Variants in TNS3 observed in about 807,000 individuals in gnomAD.
The protein encoded by TNS3 is tensin-3.
TNS3 carries 45 observed loss-of-function variants against 140.9 expected under a neutral mutation model. The ratio of observed to expected loss-of-function variants is 0.32; its 90% confidence interval spans 0.25 to 0.41. The LOEUF (loss-of-function observed/expected upper bound fraction) is 0.41. Ranked by LOEUF, TNS3 falls within the 10% of genes least tolerant of loss-of-function variation. The pLI is 1.00. For synonymous variants in TNS3, 815 were observed against 788.4 expected, an observed-to-expected ratio of 1.03 and a Z score of -0.56; for missense variants, 1,716 against 1,906.7, an observed-to-expected ratio of 0.90 and a Z score of 1.86.
intron 20 of TNS3, among the ~76,000 whole-genome samples, chr7:47,320,824 G>A (rs547497302): frequency 1.3e-5 from 2 of 152,196 alleles, no homozygotes; most frequent in East Asian, 1.9e-4. Flanking sequence ...GTGTGGTTTG[G>A]GGAGATGCAG....
In TNS3 at chr7:47,537,409, C is replaced by T. The variant is rs531291686; in HGVS notation, c.-264-8262G>A. On this transcript the variant is annotated intron_variant, in intron 1 of 30. Coordinates refer to ENST00000311160, the MANE Select transcript of TNS3 (RefSeq NM_022748.12). ...CATCTGACACGAATTAGCCCTCCCT[C>T]CCCCGCCCGCCCCAACCGCAGCTCC... Among the ~76,000 whole-genome samples the T allele has an allele frequency of 1.7e-3, 265 of 151,784 alleles. 2 individuals carry two copies. The highest frequency in any genetic ancestry group is 6.1e-3 in the African/African-American group (252 of 41,530).
At chr7:47,499,018 G>GA (rs1798117576) in intron 3 of TNS3, among the ~76,000 whole-genome samples, 1 of 152,272 alleles carries the variant, frequency 6.6e-6, no homozygotes, top group African/African-American at 2.4e-5. Context: ...GAAAGGCCTA[G>GA]AAGTCCACAA....
rs1433053785 is a variant in TNS3, at chr7:47,297,225, G to A, written c.3545-12C>T. ...CAACATGGCGATGGCTGGAGAAAGGGAGGAGAAAGACAAGAAGGTCTGCCG... is the reference window on the plus strand; with the variant it reads ...CAACATGGCGATGGCTGGAGAAAGGAAGGAGAAAGACAAGAAGGTCTGCCG... On this transcript the variant is annotated splice_polypyrimidine_tract_variant and intron_variant, in intron 23 of 30. Coordinates refer to ENST00000311160, the MANE Select transcript of TNS3 (RefSeq NM_022748.12). 1 of 1,605,592 alleles carries A rather than the reference G, an allele frequency of 6.2e-7. No homozygotes were observed.
chr7:47,410,323 A>G (rs889169299), intron 13 of TNS3, among the ~76,000 whole-genome samples: 1 of 152,160 alleles, frequency 6.6e-6, no homozygotes, highest in Non-Finnish European at 1.5e-5. Context: ...GGCCTATAAA[A>G]ACGTATGACG....
intron 23 of TNS3, among the ~76,000 whole-genome samples, chr7:47,300,952 C>T (rs747899417): frequency 9.9e-5 from 15 of 152,216 alleles, no homozygotes; most frequent in Non-Finnish European, 1.9e-4. Context: ...AAATGACAAT[C>T]GCTTCTTTGA....
At chr7:47,538,095 G>C (rs1389658895) in intron 1 of TNS3, among the ~76,000 whole-genome samples, 1 of 151,904 alleles carries the variant, frequency 6.6e-6, no homozygotes, top group African/African-American at 2.4e-5. Context: ...AGGAGGTGAA[G>C]ATGACAGGGT....
intron 1 of TNS3, among the ~76,000 whole-genome samples, chr7:47,546,695 C>G (rs74796179): frequency 0.021 from 3,138 of 152,226 alleles, 110 homozygotes; most frequent in African/African-American, 0.072. Context: ...GTTCAAGTCC[C>G]ACCTCACCAC....
At chr7:47,509,317 G>C (rs1798524290) in intron 2 of TNS3, among the ~76,000 whole-genome samples, 2 of 152,156 alleles carry the variant, frequency 1.3e-5, no homozygotes, top group African/African-American at 4.8e-5. Context: ...GTAGACAAGT[G>C]ACCCTCAAAG....
intron 8 of TNS3, among the ~76,000 whole-genome samples, chr7:47,431,401 TG>T (rs1794923359): frequency 1.3e-5 from 2 of 152,110 alleles, no homozygotes; most frequent in Non-Finnish European, 2.9e-5. Flanking sequence ...AAGACCTTCC[TG>T]GCCAACATGG....
intron 17 of TNS3, 89 bp downstream of exon 17, chr7:47,368,276 A>C: frequency 1.5e-6 from 2 of 1,295,142 alleles, no homozygotes; most frequent in East Asian, 5.5e-5. Context: ...ATTTCGCCAA[A>C]AGCTAACCTA....
intron 1 of TNS3, among the ~76,000 whole-genome samples, chr7:47,553,842 G>A (rs536650772): frequency 1.3e-5 from 2 of 151,816 alleles, no homozygotes; most frequent in East Asian, 2.0e-4. Context: ...AGGCTGGAGT[G>A]CAATGGTGCA....
At chr7:47,478,218 C>A (rs912197308) in intron 4 of TNS3, among the ~76,000 whole-genome samples, 30 of 152,280 alleles carry the variant, frequency 2.0e-4, no homozygotes, top group Admixed American at 2.0e-3. Context: ...TTTGTTAAAG[C>A]ACCGATCGCA....
At chr7:47,460,965 T>C (rs930684664) in intron 4 of TNS3, among the ~76,000 whole-genome samples, 6 of 152,114 alleles carry the variant, frequency 3.9e-5, no homozygotes, top group Non-Finnish European at 8.8e-5. Flanking sequence ...ACATTACAGA[T>C]CTATAGATCC....
At chr7:47,439,748 A>AGGGGATGAGTG in intron 5 of TNS3, 90 bp from the exon 6 acceptor site, 3 of 1,389,586 alleles carry the variant, frequency 2.2e-6, no homozygotes, top group Non-Finnish European at 3.0e-6. Context: ...ACGGACACTC[A>AGGGGATGAGTG]TCCCCTGGGT....
intron 8 of TNS3, among the ~76,000 whole-genome samples, chr7:47,434,007 G>T (rs147860553): frequency 1.3e-5 from 2 of 152,140 alleles, no homozygotes; most frequent in Non-Finnish European, 2.9e-5. Flanking sequence ...GGACGATTTG[G>T]TGGTCCTAAT....
intron 20 of TNS3, among the ~76,000 whole-genome samples, chr7:47,322,936 T>C (rs1326980032): frequency 8.5e-5 from 13 of 152,048 alleles, no homozygotes; most frequent in Non-Finnish European, 1.5e-4. Context: ...TGAGGCTGTG[T>C]CTCATTCACT....
At position 47,378,460 on chromosome 7, in the gene TNS3, T is replaced by A. The variant is rs140281550; in HGVS notation, c.1025-8839A>T. On this transcript the variant is annotated intron_variant, in intron 16 of 30. Coordinates refer to ENST00000311160, the MANE Select transcript of TNS3 (RefSeq NM_022748.12). ...AAATTGTCCCAGGCACCAACTTTGC[T>A]AACCATCCACCCAGTGCGACTTTAT... 1.5e-3 allele frequency among the ~76,000 whole-genome samples: 225 copies of A among 152,346 alleles called. 1 individual carries two copies. Among genetic ancestry groups the A allele is most frequent in the African/African-American group, 5.2e-3 (215 of 41,588 alleles).
intron 16 of TNS3, among the ~76,000 whole-genome samples, chr7:47,379,376 C>A (rs1383300858): frequency 6.6e-6 from 1 of 152,180 alleles, no homozygotes. Flanking sequence ...ACAAGGTCTG[C>A]TTTAATTTTA....
intron 1 of TNS3, among the ~76,000 whole-genome samples, chr7:47,553,966 G>A (rs1003111570): frequency 1.3e-5 from 2 of 151,766 alleles, no homozygotes; most frequent in African/African-American, 4.8e-5. Context: ...CACCAAGCCT[G>A]TCTAATTTTT....
Sources: allele counts gnomAD v4.1 joint callset (sites outside exome capture counted in the v4.1 genomes callset), GRCh38; gene constraint gnomAD v4.1.1; transcripts MANE v1.5; gene names NCBI Gene and HGNC (gene_info 2026-07-23, HGNC 2026-07-21).